Variants in NR6A1 observed in about 807,000 individuals in gnomAD.
NR6A1 encodes retinoic acid receptor-related testis-associated receptor.
Under a neutral mutation model 59.1 loss-of-function variants are expected in NR6A1, and 7 were observed. That is an observed-to-expected ratio of 0.12 (90% CI 0.07 to 0.22). The LOEUF is 0.22. Ranked by LOEUF, NR6A1 falls within the 10% of genes least tolerant of loss-of-function variation. The pLI is 1.00. For missense variants in NR6A1, 468 were observed against 611.6 expected, an observed-to-expected ratio of 0.77 and a Z score of 2.48; for synonymous variants, 243 against 236.1, an observed-to-expected ratio of 1.03 and a Z score of -0.27.
intron 2 of NR6A1, among the ~76,000 whole-genome samples, chr9:124,634,506 T>C (rs887854426): frequency 6.6e-6 from 1 of 152,214 alleles, no homozygotes. Context: ...TCCTTAGTTT[T>C]CTTGCTTTTA....
chr9:124,533,640 C>T (rs1007656430), intron 7 of NR6A1, among the ~76,000 whole-genome samples: 2 of 151,002 alleles, frequency 1.3e-5, no homozygotes, highest in African/African-American at 4.9e-5. Flanking sequence ...CTCCAACTTT[C>T]ATGGATAGGG....
At chr9:124,691,201 A>G (rs912933471) in intron 2 of NR6A1, among the ~76,000 whole-genome samples, 1 of 152,244 alleles carries the variant, frequency 6.6e-6, no homozygotes, top group African/African-American at 2.4e-5. Flanking sequence ...ATTTACTGTC[A>G]TAACACTGAA....
chr9:124,767,664 G>A (rs1159227447), intron 1 of NR6A1, among the ~76,000 whole-genome samples: 8 of 152,060 alleles, frequency 5.3e-5, no homozygotes, highest in Non-Finnish European at 1.5e-5. Context: ...TCACAGAACT[G>A]AAAAGTTAAA....
rs546650997 is a variant in NR6A1, at chr9:124,659,731, C to T, written c.142+73577G>A. On this transcript the variant is annotated intron_variant, in intron 2 of 9. Coordinates refer to ENST00000487099, the MANE Select transcript of NR6A1 (RefSeq NM_033334.4). ...ATATGGAAGGAATGTAAAAGCATGA[C>T]CCTTTAAGCCTATGGACATTTTTTC... Among the ~76,000 whole-genome samples the T allele has an allele frequency of 6.0e-4, 91 of 152,212 alleles. 1 individual carries two copies. The South Asian group carries it at 0.018, about 31-fold the overall frequency.
At chr9:124,536,255 A>G in intron 6 of NR6A1, 123 bp from the exon 7 acceptor site, 1 of 1,066,872 alleles carries the variant, frequency 9.4e-7, no homozygotes, top group Non-Finnish European at 1.4e-6. Context: ...CTCCATGCCC[A>G]CGGGTCTCCA....
intron 2 of NR6A1, among the ~76,000 whole-genome samples, chr9:124,582,488 T>C (rs1357747333): frequency 6.6e-6 from 1 of 151,808 alleles, no homozygotes; most frequent in Non-Finnish European, 1.5e-5. Flanking sequence ...ACCTGGGTGA[T>C]GAAATGATCT....
At chr9:124,613,045 T>A (rs1835799941) in intron 2 of NR6A1, among the ~76,000 whole-genome samples, 1 of 152,186 alleles carries the variant, frequency 6.6e-6, no homozygotes, top group Admixed American at 6.6e-5. Context: ...AAATAAATTT[T>A]AAAATTCAAA....
At chr9:124,537,266 T>C (rs1588646752) in intron 6 of NR6A1, among the ~76,000 whole-genome samples, 1 of 152,122 alleles carries the variant, frequency 6.6e-6, no homozygotes, top group Admixed American at 6.5e-5. Context: ...ATTTTTGTAT[T>C]TTTAGTACAC....
At chr9:124,555,595 G>A (rs1394916984) in intron 2 of NR6A1, among the ~76,000 whole-genome samples, 2 of 152,188 alleles carry the variant, frequency 1.3e-5, no homozygotes, top group African/African-American at 2.4e-5. Context: ...CAGCCTGAGC[G>A]ACGGCAAGAC....
intron 2 of NR6A1, among the ~76,000 whole-genome samples, chr9:124,654,861 A>G (rs1249466816): frequency 2.7e-5 from 3 of 111,360 alleles, no homozygotes; most frequent in African/African-American, 9.7e-5. Flanking sequence ...TTATACATAC[A>G]TTTTTTTTTT....
intron 2 of NR6A1, among the ~76,000 whole-genome samples, chr9:124,688,792 T>G (rs1172763657): frequency 6.6e-6 from 1 of 152,234 alleles, no homozygotes; most frequent in Non-Finnish European, 1.5e-5. Flanking sequence ...ATTCCATAAT[T>G]GAAACTGCTT....
At chr9:124,608,221 T>C (rs1320915633) in intron 2 of NR6A1, among the ~76,000 whole-genome samples, 2 of 152,160 alleles carry the variant, frequency 1.3e-5, no homozygotes, top group Non-Finnish European at 2.9e-5. Context: ...GCCATGGTGA[T>C]TTGCTGCATG....
At chr9:124,567,219 G>T (rs944913869) in intron 2 of NR6A1, among the ~76,000 whole-genome samples, 2 of 152,114 alleles carry the variant, frequency 1.3e-5, no homozygotes, top group African/African-American at 4.8e-5. Context: ...GAAGAATCTG[G>T]GAGTCCTCAA....
At chr9:124,742,189 A>G (rs1840189556) in intron 1 of NR6A1, among the ~76,000 whole-genome samples, 1 of 152,248 alleles carries the variant, frequency 6.6e-6, no homozygotes, top group Non-Finnish European at 1.5e-5. Flanking sequence ...GAAGTTTGTC[A>G]GTAACAGCCC....
At chr9:124,729,583 C>CA (rs981815754) in intron 2 of NR6A1, among the ~76,000 whole-genome samples, 4 of 151,394 alleles carry the variant, frequency 2.6e-5, no homozygotes, top group South Asian at 2.1e-4. Context: ...GACCCTGTCT[C>CA]AAAAAAAATT....
At chr9:124,652,201 TTTCCACACTGTTGGATTTTCA>T (rs1291580818) in intron 2 of NR6A1, among the ~76,000 whole-genome samples, 8 of 152,214 alleles carry the variant, frequency 5.3e-5, no homozygotes, top group Admixed American at 3.3e-4. Context: ...AGCAGCTCTA[TTTCCACACTGTTGGATTTTCA>T]TGGGCTTCCT....
chr9:124,745,640 C>A (rs1389109430), intron 1 of NR6A1, among the ~76,000 whole-genome samples: 1 of 149,600 alleles, frequency 6.7e-6, no homozygotes, highest in Non-Finnish European at 1.5e-5. Flanking sequence ...CATGGCACTC[C>A]AGCCTGGGCA....
rs369628878 is a variant in NR6A1, at chr9:124,690,118, A to C, written c.142+43190T>G. ...CCTCACGGCTAGCAGCATTACCCCCAAACACTTATAGTGATGCTTCCTGCA... is the reference window on the plus strand; with the variant it reads ...CCTCACGGCTAGCAGCATTACCCCCCAACACTTATAGTGATGCTTCCTGCA... On this transcript the variant is annotated intron_variant, in intron 2 of 9. Transcript: ENST00000487099. Among the ~76,000 whole-genome samples, 11 of 152,288 alleles carry C rather than the reference A, an allele frequency of 7.2e-5. No individual in the cohort carries two copies. The East Asian group carries it at 1.9e-3, about 27-fold the overall frequency.
intron 2 of NR6A1, among the ~76,000 whole-genome samples, chr9:124,643,587 C>T (rs960699820): frequency 1.4e-5 from 2 of 146,806 alleles, no homozygotes; most frequent in Non-Finnish European, 3.0e-5. Context: ...GGCAACAGAG[C>T]GAGACCCAAT....
Sources: allele counts gnomAD v4.1 joint callset (sites outside exome capture counted in the v4.1 genomes callset), GRCh38; gene constraint gnomAD v4.1.1; transcripts MANE v1.5; gene names NCBI Gene and HGNC (gene_info 2026-07-23, HGNC 2026-07-21).